Variants in MBTPS1 observed in about 807,000 individuals in gnomAD.
The protein encoded by MBTPS1 is membrane bound transcription factor peptidase, site 1.
MBTPS1 carries 94 observed loss-of-function variants against 127.8 expected under a neutral mutation model. The observed-to-expected ratio is 0.74, with a 90% CI of 0.62 to 0.87. MBTPS1 has a LOEUF of 0.87. Ranked by LOEUF, MBTPS1 falls within the 40% of genes least tolerant of loss-of-function variation. MBTPS1 has a pLI of 0.00. For missense variants in MBTPS1, 1,636 were observed against 1,353.2 expected, an observed-to-expected ratio of 1.21 and a Z score of -3.28; for synonymous variants, 632 against 509.4, an observed-to-expected ratio of 1.24 and a Z score of -3.24.
intron 11 of MBTPS1, among the ~76,000 whole-genome samples, chr16:84,079,624 G>A (rs1247054162): frequency 2.0e-5 from 3 of 152,224 alleles, no homozygotes; most frequent in African/African-American, 7.2e-5. Context: ...AAGCAAATAA[G>A]CCAACATATT....
intron 8 of MBTPS1, among the ~76,000 whole-genome samples, chr16:84,089,275 T>C (rs907358959): frequency 6.6e-6 from 1 of 152,248 alleles, no homozygotes; most frequent in African/African-American, 2.4e-5. Context: ...CCCACACCTG[T>C]TTTTGCAAAT....
chr16:84,096,686 C>A (rs1443426676), intron 3 of MBTPS1, among the ~76,000 whole-genome samples: 1 of 152,198 alleles, frequency 6.6e-6, no homozygotes, highest in Admixed American at 6.5e-5. Flanking sequence ...CCAACCTACA[C>A]CCATGTTAAG....
At chr16:84,115,228 G>A (rs2086457114) in intron 1 of MBTPS1, among the ~76,000 whole-genome samples, 1 of 152,284 alleles carries the variant, frequency 6.6e-6, no homozygotes, top group South Asian at 2.1e-4. Context: ...GCCCGGCCCA[G>A]CCTTCCTAGT....
chr16:84,064,461 A>C (rs1288303830), intron 18 of MBTPS1, among the ~76,000 whole-genome samples: 2 of 152,192 alleles, frequency 1.3e-5, no homozygotes, highest in Non-Finnish European at 2.9e-5. Flanking sequence ...TTTTGTACCC[A>C]AAAGATTATT....
chr16:84,108,947 T>G (rs2086361731), intron 1 of MBTPS1, among the ~76,000 whole-genome samples: 1 of 152,244 alleles, frequency 6.6e-6, no homozygotes, highest in South Asian at 2.1e-4. Context: ...GGTCTGAATT[T>G]AAGGTTTTCA....
At chr16:84,059,240 T>C in intron 21 of MBTPS1, 62 bp downstream of exon 21, 2 of 1,558,860 alleles carry the variant, frequency 1.3e-6, no homozygotes, top group Non-Finnish European at 1.7e-6. Context: ...TTCTCTCCTA[T>C]AAGAAAAGCA....
chr16:84,059,231 T>C lies in MBTPS1; in HGVS notation c.2831+71A>G, dbSNP rs1471490312. ...GATAGTGATGTCAGTAAAATTCCAT[T>C]CTCTCCTATAAGAAAAGCAATGACT... is the stretch of plus-strand genomic sequence containing the variant. On this transcript the variant is annotated intron_variant, in intron 21 of 22. Coordinates refer to ENST00000343411, the MANE Select transcript of MBTPS1 (RefSeq NM_003791.4). The C allele has an allele frequency of 2.6e-6, 4 of 1,540,164 alleles. No individual in the cohort carries two copies. In the African/African-American group the frequency reaches 5.5e-5, roughly 21 times the overall value.
At chr16:84,087,576 T>A (rs1463445199) in intron 8 of MBTPS1, 116 bp from the exon 9 acceptor site, 1 of 668,038 alleles carries the variant, frequency 1.5e-6, no homozygotes, top group Non-Finnish European at 2.5e-6. Flanking sequence ...TAACACTGTA[T>A]GAGCTGCTTC....
At chr16:84,059,657 C>T in intron 20 of MBTPS1, 2 of 412,470 alleles carry the variant, frequency 4.8e-6, no homozygotes, top group Non-Finnish European at 9.0e-6. Context: ...CAGAACCGTT[C>T]CCTTGAAGAT....
At chr16:84,102,923 C>A (rs1597349768) in intron 1 of MBTPS1, among the ~76,000 whole-genome samples, 1 of 152,144 alleles carries the variant, frequency 6.6e-6, no homozygotes, top group Non-Finnish European at 1.5e-5. Context: ...AGAAATGTAA[C>A]CTGCTAAATG....
chr16:84,070,909 T>G, intron 12 of MBTPS1, 133 bp from the exon 13 acceptor site: 1 of 673,550 alleles, frequency 1.5e-6, no homozygotes, highest in Non-Finnish European at 2.5e-6. Context: ...AAATAAAATT[T>G]ATACACAGAT....
chr16:84,084,929 C>T (rs1031616155), intron 10 of MBTPS1, 54 bp downstream of exon 10: 10 of 1,575,964 alleles, frequency 6.3e-6, no homozygotes, highest in Admixed American at 3.5e-5. Context: ...CTGCTGGCAC[C>T]GAGTGCTCCT....
chr16:84,099,132 C>T lies in MBTPS1; in HGVS notation c.342G>A (p.Leu114=), dbSNP rs144711887. 2.4e-4 allele frequency: 380 copies of T among 1,614,156 alleles called. 1 individual carries two copies. The African/African-American group carries it at 4.4e-3, about 19-fold the overall frequency. ...TGTTTGGATGATCTTCAAGTGTTAG[C>T]AGCCCCGCTTTCTGTTTTTCTTTTA... The part of the protein sequence containing the change: ...IQIKEKQKAG[L]LTLEDHPNIK... Residue 114 remains leucine, a synonymous_variant, in exon 3 of 23, where the codon CTG becomes CTA. Coordinates refer to ENST00000343411, the MANE Select transcript of MBTPS1 (RefSeq NM_003791.4).
Position 84,054,608 on chromosome 16 carries a change from C to G in MBTPS1, c.3000G>C (p.Gln1000His). The G allele has an allele frequency of 6.2e-7, 1 of 1,612,046 alleles. No individual in the cohort carries two copies. The highest frequency in any genetic ancestry group is 1.1e-5 in the South Asian group (1 of 90,880). Residue 1000 changes from glutamine to histidine, a missense_variant, in exon 23 of 23, where the codon CAG becomes CAC. Gln to His is a conservative substitution (Grantham distance 24, BLOSUM62 0). Transcript: ENST00000343411. ...MPGRYNQEVG[Q>H]TIPVFAFLGA... Reference sequence around the variant, plus strand: ...CCAGGAAGGCAAAGACAGGAATGGTCTGGCCCACCTCCTGGTTGTAGCGGC... The same window carrying G: ...CCAGGAAGGCAAAGACAGGAATGGTGTGGCCCACCTCCTGGTTGTAGCGGC...
rs370111135 is a variant in MBTPS1 at position 84,087,367 on chromosome 16, C to G, written c.1125G>C (p.Met375Ile). Residue 375 changes from methionine to isoleucine, a missense_variant, in exon 9 of 23, where the codon ATG becomes ATC. By Grantham distance (10) the Met-to-Ile change is conservative. Transcript: ENST00000343411. ...GCAAAGAAGAGCGTACCCAGGTAGTCATTCCCCTTGAAGAAAAGCGGGCGA... is the reference window on the plus strand; with the variant it reads ...GCAAAGAAGAGCGTACCCAGGTAGTGATTCCCCTTGAAGAAAAGCGGGCGA... The part of the protein sequence containing the change: ...DNIARFSSRG[M>I]TTWELPGGYG... The G allele has an allele frequency of 2.5e-6, 4 of 1,611,956 alleles. No homozygotes were observed. The highest frequency in any genetic ancestry group is 3.4e-6 in the Non-Finnish European group (4 of 1,178,512).
intron 11 of MBTPS1, 56 bp downstream of exon 11, chr16:84,081,691 T>C (rs2085941899): frequency 6.3e-6 from 8 of 1,276,300 alleles, no homozygotes; most frequent in Non-Finnish European, 7.1e-6. Flanking sequence ...AGAGGGAAAA[T>C]TCGCCCAGAG....
At position 84,056,131 on chromosome 16, in the gene MBTPS1, G is replaced by A; in HGVS notation, c.2836C>T (p.Leu946Phe). The A allele has an allele frequency of 6.2e-7, 1 of 1,613,568 alleles. No individual in the cohort carries two copies. The highest frequency in any genetic ancestry group is 1.7e-5 in the Admixed American group (1 of 60,006). ...QPLNETAPSN[L>F]WKHQKLLSID... is the part of the protein sequence containing the mutation. ...GAGAGTAGCTTCTGATGTTTCCAAA[G>A]GTTACTTCAGGAAAATGGATTAAAA... The change falls in exon 22 of 23, where the codon CTT becomes TTT. Residue 946 changes from leucine (L) to phenylalanine (F), a missense_variant. Transcript: ENST00000343411.
At position 84,091,011 on chromosome 16, in the gene MBTPS1, A is replaced by G. The variant is rs1176903336; in HGVS notation, c.964-69T>C. 6.3e-6 allele frequency: 7 copies of G among 1,116,974 alleles called. No individual in the cohort carries two copies. In the East Asian group the frequency reaches 9.3e-5, roughly 15 times the overall value. The allele number at this position is 1,116,974 out of a possible 1,614,324, so 69.2% of individuals were successfully genotyped here. A position where few individuals can be genotyped will look rare whatever the true frequency, so the allele number is the denominator to read the frequency against. On this transcript the variant is annotated intron_variant, in intron 7 of 22. Transcript: ENST00000343411. ...AACATATAACTGTCAAAAAAAAAAA[A>G]AAAACCATACACAACGTCTAAAAAC...
chr16:84,087,320 T>A, intron 9 of MBTPS1, 38 bp downstream of exon 9: 2 of 1,517,388 alleles, frequency 1.3e-6, no homozygotes, highest in Non-Finnish European at 1.8e-6. Flanking sequence ...CAGTAGTTTG[T>A]CCAGCTAAAT....
Sources: gnomAD v4.1 joint callset for allele counts (sites outside exome capture counted in the v4.1 genomes callset) on GRCh38, gnomAD v4.1.1 for gene constraint, MANE v1.5 for transcripts, NCBI Gene and HGNC (gene_info 2026-07-23, HGNC 2026-07-21) for gene names.